Variants in RBMS3 observed in about 807,000 individuals in gnomAD.
The protein encoded by RBMS3 is RNA-binding motif, single-stranded-interacting protein 3.
RBMS3 carries 27 observed loss-of-function variants against 66.8 expected under a neutral mutation model. The observed-to-expected ratio is 0.40, with a 90% CI of 0.30 to 0.56. RBMS3 has a LOEUF of 0.56. Among genes scored for constraint, RBMS3 ranks in the 20% least tolerant of loss-of-function variants. RBMS3 has a pLI of 0.40. For missense variants in RBMS3, 513 were observed against 549.5 expected, an observed-to-expected ratio of 0.93 and a Z score of 0.66; for synonymous variants, 188 against 183.0, an observed-to-expected ratio of 1.03 and a Z score of -0.22.
At chr3:29,710,104 C>T (rs375209605) in intron 4 of RBMS3, among the ~76,000 whole-genome samples, 31 of 152,236 alleles carry the variant, frequency 2.0e-4, no homozygotes, top group South Asian at 6.2e-4. Context: ...GATACACATA[C>T]GATAATTTTT....
chr3:29,990,117 C>T (rs968175655), intron 13 of RBMS3, among the ~76,000 whole-genome samples: 1 of 152,048 alleles, frequency 6.6e-6, no homozygotes, highest in Admixed American at 6.6e-5. Context: ...TGTGAAAACA[C>T]TCATTGAACA....
At chr3:29,591,300 T>C (rs1347158673) in intron 4 of RBMS3, among the ~76,000 whole-genome samples, 7 of 152,132 alleles carry the variant, frequency 4.6e-5, no homozygotes. Flanking sequence ...GGCCCATGGC[T>C]CCTCCTCATA....
At chr3:29,672,621 AG>A in intron 4 of RBMS3, among the ~76,000 whole-genome samples, 1 of 152,312 alleles carries the variant, frequency 6.6e-6, no homozygotes, top group East Asian at 1.9e-4. Context: ...AACAAAAAAA[AG>A]CAGGGGTTGC....
chr3:29,430,563 C>T (rs1321744856), intron 1 of RBMS3, among the ~76,000 whole-genome samples: 1 of 152,088 alleles, frequency 6.6e-6, no homozygotes, highest in African/African-American at 2.4e-5. Flanking sequence ...ACGTTTATTG[C>T]TTTAGGCATC....
At chr3:29,521,564 G>C (rs1310332261) in intron 3 of RBMS3, among the ~76,000 whole-genome samples, 1 of 152,068 alleles carries the variant, frequency 6.6e-6, no homozygotes, top group Non-Finnish European at 1.5e-5. Flanking sequence ...TTTCTGAACT[G>C]GCATACCAGA....
At chr3:29,501,097 T>C (rs1176474961) in intron 3 of RBMS3, among the ~76,000 whole-genome samples, 1 of 152,198 alleles carries the variant, frequency 6.6e-6, no homozygotes, top group Non-Finnish European at 1.5e-5. Flanking sequence ...GGTTGTCTGC[T>C]GTTGTGAGAA....
chr3:29,924,392 CTTTTTTT>C (rs1171960045), intron 10 of RBMS3, among the ~76,000 whole-genome samples: 3 of 151,362 alleles, frequency 2.0e-5, no homozygotes, highest in Non-Finnish European at 4.4e-5. Flanking sequence ...TTTCTTTTTT[CTTTTTTT>C]TCAATTCTAC....
At chr3:29,605,271 G>A (rs1406488303) in intron 4 of RBMS3, among the ~76,000 whole-genome samples, 2 of 151,676 alleles carry the variant, frequency 1.3e-5, no homozygotes, top group East Asian at 3.9e-4. Flanking sequence ...GGTATTATAG[G>A]CATTGACTGG....
intron 6 of RBMS3, among the ~76,000 whole-genome samples, chr3:29,825,228 G>C (rs1466373544): frequency 6.6e-6 from 1 of 151,694 alleles, no homozygotes; most frequent in Non-Finnish European, 1.5e-5. Flanking sequence ...GTAGAGACAG[G>C]GTTTCACCAT....
intron 2 of RBMS3, among the ~76,000 whole-genome samples, chr3:29,469,968 AATT>A (rs1389292967): frequency 6.8e-6 from 1 of 147,862 alleles, no homozygotes; most frequent in African/African-American, 2.4e-5. Context: ...ATTTATATGA[AATT>A]ATATAATATA....
chr3:29,844,681 C>T (rs1457131988), intron 6 of RBMS3, among the ~76,000 whole-genome samples: 3 of 152,178 alleles, frequency 2.0e-5, no homozygotes, highest in African/African-American at 7.2e-5. Context: ...GCATTTCCAT[C>T]CATTTACTAA....
At chr3:29,542,273 A>C (rs1308636342) in intron 3 of RBMS3, among the ~76,000 whole-genome samples, 1 of 152,156 alleles carries the variant, frequency 6.6e-6, no homozygotes, top group Non-Finnish European at 1.5e-5. Flanking sequence ...ATGTCTTTTC[A>C]TTTTTAATAC....
At chr3:29,592,099 A>T (rs1477155637) in intron 4 of RBMS3, among the ~76,000 whole-genome samples, 1 of 109,980 alleles carries the variant, frequency 9.1e-6, no homozygotes, top group East Asian at 4.2e-4. Flanking sequence ...AAAAAAAAAT[A>T]AAAAAAACCA....
intron 12 of RBMS3, among the ~76,000 whole-genome samples, chr3:29,949,237 G>A (rs538709786): frequency 6.6e-6 from 1 of 151,244 alleles, no homozygotes; most frequent in Admixed American, 6.6e-5. Flanking sequence ...GGGATAGGTG[G>A]GTGTAAAATT....
At chr3:29,734,946 A>G (rs2054313404) in intron 4 of RBMS3, among the ~76,000 whole-genome samples, 1 of 151,560 alleles carries the variant, frequency 6.6e-6, no homozygotes, top group African/African-American at 2.4e-5. Flanking sequence ...TTAAGAAATT[A>G]CTCTAAAATC....
chr3:29,468,252 A>G (rs1011479463), intron 2 of RBMS3, among the ~76,000 whole-genome samples: 2 of 152,156 alleles, frequency 1.3e-5, no homozygotes, highest in Non-Finnish European at 2.9e-5. Context: ...CCATTCATCA[A>G]AAAGAAACAG....
intron 8 of RBMS3, among the ~76,000 whole-genome samples, chr3:29,886,891 T>G (rs925373776): frequency 6.6e-6 from 1 of 151,710 alleles, no homozygotes; most frequent in African/African-American, 2.4e-5. Context: ...AGAGACAACC[T>G]GAAGAAACTT....
chr3:29,411,104 G>C (rs2040248925), intron 1 of RBMS3, among the ~76,000 whole-genome samples: 1 of 152,088 alleles, frequency 6.6e-6, no homozygotes, highest in African/African-American at 2.4e-5. Context: ...AAAGTTAGAA[G>C]TGGCAACAAC....
At chr3:29,912,629 ATTTCT>A (rs1279730865) in intron 10 of RBMS3, among the ~76,000 whole-genome samples, 5 of 152,038 alleles carry the variant, frequency 3.3e-5, no homozygotes, top group Non-Finnish European at 7.4e-5. Context: ...TCTTGTGGAC[ATTTCT>A]TTTATTAACT....
Sources: gnomAD v4.1 joint callset for allele counts (sites outside exome capture counted in the v4.1 genomes callset) on GRCh38, gnomAD v4.1.1 for gene constraint, MANE v1.5 for transcripts, NCBI Gene and HGNC (gene_info 2026-07-23, HGNC 2026-07-21) for gene names.